Variants in PKHD1 observed in about 807,000 individuals in gnomAD.
PKHD1 encodes PKHD1 ciliary IPT domain containing fibrocystin/polyductin, also known as fibrocystin.
A neutral mutation model predicts 412.0 loss-of-function variants in PKHD1; 291 were observed. The ratio of observed to expected loss-of-function variants is 0.71; its 90% CI spans 0.64 to 0.78. The LOEUF is 0.78. Ranked by LOEUF, PKHD1 falls within the 30% of genes least tolerant of loss-of-function variation. The pLI, the probability that PKHD1 is intolerant of heterozygous loss-of-function variation, is 0.00. For missense variants in PKHD1, 4,825 were observed against 4,950.7 expected (o/e 0.97, Z 0.76); for synonymous variants, 1,777 against 1,821.5 (o/e 0.98, Z 0.62).
At chr6:51,761,324 C>T (rs1379823953) in intron 55 of PKHD1, among the ~76,000 whole-genome samples, 1 of 152,026 alleles carries the variant, frequency 6.6e-6, no homozygotes, top group East Asian at 1.9e-4. Context: ...ATGATCCAGG[C>T]CCAAGAAGAC....
chr6:51,972,776 T>C (rs1793862493), intron 35 of PKHD1, among the ~76,000 whole-genome samples: 1 of 152,242 alleles, frequency 6.6e-6, no homozygotes, highest in Non-Finnish European at 1.5e-5. Context: ...AAACCCTGTT[T>C]ATTGGTTCCA....
At position 51,720,849 on chromosome 6, in the gene PKHD1, T is replaced by C. The variant is rs546423633; in HGVS notation, c.10156+23536A>G. 65 of 293,352 alleles carry C rather than the reference T, an allele frequency of 2.2e-4. No individual in the cohort carries two copies. In the South Asian group the frequency reaches 5.5e-3, roughly 25 times the overall value. The allele number at this position is 293,352 out of a possible 1,614,324, so 18.2% of individuals were successfully genotyped here. On this transcript the variant is annotated intron_variant, in intron 60 of 66. Coordinates refer to ENST00000371117, the MANE Select transcript of PKHD1 (RefSeq NM_138694.4). ...TAATAAGAAATGAGGGCAGAGATTATGTCATTTTGTACATACAGCATTTAT... is the reference window on the plus strand; with the variant it reads ...TAATAAGAAATGAGGGCAGAGATTACGTCATTTTGTACATACAGCATTTAT...
chr6:51,883,374 T>A, intron 45 of PKHD1, 147 bp from the exon 46 acceptor site: 1 of 719,298 alleles, frequency 1.4e-6, no homozygotes, highest in Non-Finnish European at 2.4e-6. Context: ...AGTATAGGCA[T>A]CCTCAAGTTG....
chr6:51,923,993 T>C (rs1255799915), intron 37 of PKHD1, among the ~76,000 whole-genome samples: 6 of 152,194 alleles, frequency 3.9e-5, no homozygotes, highest in Non-Finnish European at 8.8e-5. Context: ...ATCCCAGTCT[T>C]TCAGGCTTCA....
intron 29 of PKHD1, among the ~76,000 whole-genome samples, chr6:52,030,668 G>A (rs1278082864): frequency 6.6e-6 from 1 of 152,068 alleles, no homozygotes; most frequent in Non-Finnish European, 1.5e-5. Context: ...AAGAAGGCAA[G>A]GGAACTGGGA....
intron 36 of PKHD1, among the ~76,000 whole-genome samples, chr6:51,953,935 C>G (rs766093536): frequency 2.0e-5 from 3 of 152,018 alleles, no homozygotes; most frequent in Non-Finnish European, 4.4e-5. Flanking sequence ...GTCCCTCCCT[C>G]GCAATAGAAG....
intron 60 of PKHD1, among the ~76,000 whole-genome samples, chr6:51,680,149 T>C (rs572423199): frequency 3.4e-4 from 51 of 152,030 alleles, no homozygotes; most frequent in Non-Finnish European, 6.5e-4. Context: ...ATTATTATTA[T>C]GCCAAACAGA....
chr6:51,728,963 A>G (rs1278364712), intron 60 of PKHD1, among the ~76,000 whole-genome samples: 3 of 152,208 alleles, frequency 2.0e-5, no homozygotes, highest in Non-Finnish European at 4.4e-5. Flanking sequence ...CATTTTGTCT[A>G]CAAAATTATA....
At chr6:51,889,309 A>G (rs937984955) in intron 43 of PKHD1, among the ~76,000 whole-genome samples, 3 of 152,142 alleles carry the variant, frequency 2.0e-5, no homozygotes, top group Non-Finnish European at 4.4e-5. Context: ...ACTCAACAAG[A>G]CATTAAATGC....
chr6:51,951,963 T>G (rs1790430966), intron 36 of PKHD1, among the ~76,000 whole-genome samples: 1 of 152,236 alleles, frequency 6.6e-6, no homozygotes, highest in African/African-American at 2.4e-5. Flanking sequence ...GAAAATATTA[T>G]AGCTTCTCTG....
intron 60 of PKHD1, among the ~76,000 whole-genome samples, chr6:51,695,848 C>T (rs1258945706): frequency 1.3e-5 from 2 of 152,144 alleles, no homozygotes; most frequent in African/African-American, 4.8e-5. Flanking sequence ...AATTCCCTCT[C>T]TTCCCCCCTT....
At chr6:51,733,269 A>G (rs963840790) in intron 60 of PKHD1, among the ~76,000 whole-genome samples, 6 of 152,152 alleles carry the variant, frequency 3.9e-5, no homozygotes, top group Admixed American at 2.0e-4. Context: ...GGCCAGGCAC[A>G]GTGACTCACA....
At chr6:51,691,612 A>C (rs148485955) in intron 60 of PKHD1, among the ~76,000 whole-genome samples, 1,562 of 152,302 alleles carry the variant, frequency 0.01, 31 homozygotes, top group African/African-American at 0.036. Context: ...TGAGGGGAAC[A>C]CACAGACACG....
Position 51,871,838 on chromosome 6 carries a change from C to T in PKHD1, c.7351-1199G>A, listed in dbSNP as rs967441788. 9.4e-5 allele frequency among the ~76,000 whole-genome samples: 11 copies of T among 117,524 alleles called. 3 individuals carry two copies. The highest frequency in any genetic ancestry group is 1.9e-4 in the Non-Finnish European group (9 of 47,540). The allele number at this position is 117,524 out of a possible 152,430, so 77.1% of individuals were successfully genotyped here. A position where few individuals can be genotyped will look rare whatever the true frequency, so the allele number is the denominator to read the frequency against. On this transcript the variant is annotated intron_variant, in intron 46 of 66. Transcript: ENST00000371117. ...CATTTGAGGATTACCAGAATTTTTG[C>T]AATCACTCCCAACATGAAAAATGAT...
At chr6:51,894,466 T>C (rs1779587296) in intron 43 of PKHD1, among the ~76,000 whole-genome samples, 1 of 152,186 alleles carries the variant, frequency 6.6e-6, no homozygotes, top group Admixed American at 6.5e-5. Flanking sequence ...GAATATCATA[T>C]TTGAAATTTA....
At position 51,873,534 on chromosome 6, in the gene PKHD1, T is replaced by TA. The variant is rs1318681663; in HGVS notation, c.7351-2896dup. ...ACATATACATGGTTGGTTTGCTTTG[T>TA]AAAAATCCACTGAGCTATTCCCCTA... On this transcript the variant is annotated intron_variant, in intron 46 of 66. Coordinates refer to ENST00000371117, the MANE Select transcript of PKHD1 (RefSeq NM_138694.4). 3.9e-5 allele frequency among the ~76,000 whole-genome samples: 6 copies of TA among 152,202 alleles called. No individual in the cohort carries two copies. The South Asian group carries it at 1.0e-3, about 26-fold the overall frequency.
At chr6:51,890,995 C>T (rs1398515504) in intron 43 of PKHD1, among the ~76,000 whole-genome samples, 2 of 152,132 alleles carry the variant, frequency 1.3e-5, no homozygotes, top group Admixed American at 1.3e-4. Context: ...TGAATGCAGA[C>T]AAGGGTTAGA....
At chr6:51,765,053 C>T (rs545174091) in intron 55 of PKHD1, among the ~76,000 whole-genome samples, 3 of 152,204 alleles carry the variant, frequency 2.0e-5, no homozygotes, top group South Asian at 2.1e-4. Context: ...TCTCCAACTT[C>T]GCATGCCCCT....
intron 46 of PKHD1, among the ~76,000 whole-genome samples, chr6:51,871,313 T>TTTAG (rs1562505563): frequency 7.6e-6 from 1 of 130,880 alleles, no homozygotes; most frequent in Admixed American, 7.3e-5. Context: ...CAAACTGCAT[T>TTTAG]ACATCTATCT....
Sources: gnomAD v4.1 joint callset for allele counts (sites outside exome capture counted in the v4.1 genomes callset) on GRCh38, gnomAD v4.1.1 for gene constraint, MANE v1.5 for transcripts, NCBI Gene and HGNC (gene_info 2026-07-23, HGNC 2026-07-21) for gene names.